The following BBX variants were observed in gnomAD, a reference collection of about 807,000 sequenced individuals.
BBX encodes BBX high mobility group box domain containing.
A neutral mutation model predicts 100.2 loss-of-function variants in BBX; 30 were observed. The ratio of observed to expected loss-of-function variants is 0.30; its 90% CI spans 0.22 to 0.41. The LOEUF is 0.41. BBX is among the 10% of genes least tolerant of loss of function. BBX has a pLI of 1.00. For synonymous variants in BBX, 376 were observed against 388.1 expected (o/e 0.97, Z 0.37); for missense variants, 1,023 against 1,129.8 (o/e 0.91, Z 1.35).
Position 107,807,256 on chromosome 3 carries a change from A to G in BBX, c.*1799A>G, listed in dbSNP as rs2071110212. On this transcript the variant is annotated 3_prime_UTR_variant, in exon 18 of 18. Coordinates refer to ENST00000325805, the MANE Select transcript of BBX (RefSeq NM_001142568.3). ...AAGCATCGGAATGATGTGCTCAAAA[A>G]TGCATATTCCTGGTGGGGATGGAGG... is the stretch of plus-strand genomic sequence containing the variant. 1 of 152,192 alleles carries G rather than the reference A, an allele frequency of 6.6e-6. No individual in the cohort carries two copies. The highest frequency in any genetic ancestry group is 1.5e-5 in the Non-Finnish European group (1 of 68,024). The allele number at this position is 152,192 out of a possible 1,614,324, so 9.4% of individuals were successfully genotyped here. A position where few individuals can be genotyped will look rare whatever the true frequency, so the allele number is the denominator to read the frequency against.
intron 2 of BBX, among the ~76,000 whole-genome samples, chr3:107,557,266 A>G (rs868550818): frequency 8.5e-5 from 13 of 152,168 alleles, no homozygotes; most frequent in Middle Eastern, 6.8e-3. Context: ...TTCTTCAGGG[A>G]TGATGGCAGT....
intron 10 of BBX, among the ~76,000 whole-genome samples, chr3:107,762,658 A>G (rs1356579131): frequency 6.6e-6 from 1 of 152,218 alleles, no homozygotes; most frequent in Non-Finnish European, 1.5e-5. Flanking sequence ...GTTTTGTACT[A>G]AAAAGCAGAG....
Position 107,729,013 on chromosome 3 carries a change from C to A in BBX, c.601+53C>A, listed in dbSNP as rs1254395219. 5 of 1,547,442 alleles carry A rather than the reference C, an allele frequency of 3.2e-6. No homozygotes were observed. In the Admixed American group the frequency reaches 9.7e-5, roughly 30 times the overall value. On this transcript the variant is annotated intron_variant, in intron 6 of 17. Transcript: ENST00000325805. ...TCTTTAAGGACAGGGCAATACATTT[C>A]GGCAGCATTTTAAACAATACTGAGG...
At position 107,626,100 on chromosome 3, in the gene BBX, C is replaced by T. The variant is rs551791714; in HGVS notation, c.-83-19736C>T. Reference sequence around the variant, plus strand: ...TAAAATAGGCTCCAAATTATACAATCGATAATATATTTTCTGTCAACAATT... The same window carrying T: ...TAAAATAGGCTCCAAATTATACAATTGATAATATATTTTCTGTCAACAATT... On this transcript the variant is annotated intron_variant, in intron 2 of 17. Transcript: ENST00000325805. Among the ~76,000 whole-genome samples the T allele has an allele frequency of 1.3e-4, 20 of 152,136 alleles. No homozygotes were observed. In the South Asian group the frequency reaches 2.5e-3, roughly 19 times the overall value.
Position 107,809,190 on chromosome 3 carries a change from T to C in BBX, c.*3733T>C, listed in dbSNP as rs914501473. The C allele has an allele frequency of 6.6e-6, 1 of 152,216 alleles. No homozygotes were observed. Among genetic ancestry groups the C allele is most frequent in the Non-Finnish European group, 1.5e-5 (1 of 68,044 alleles). The allele number at this position is 152,216 out of a possible 1,614,324, so 9.4% of individuals were successfully genotyped here. A position where few individuals can be genotyped will look rare whatever the true frequency, so the allele number is the denominator to read the frequency against. On this transcript the variant is annotated 3_prime_UTR_variant, in exon 18 of 18. Transcript: ENST00000325805. ...GAACAGGAGTAAGCTGAAAACTGAA[T>C]GCCATGTTTTGTTTATAAGGTGGGG...
rs2047464913 is a variant in BBX, at chr3:107,522,962, GT to G, written c.-299del. 1 of 152,404 alleles carries G rather than the reference GT, an allele frequency of 6.6e-6. No individual in the cohort carries two copies. Among genetic ancestry groups the G allele is most frequent in the South Asian group, 2.1e-4 (1 of 4,832 alleles). 9.4% of individuals were successfully genotyped at this position (152,404 alleles called of 1,614,324 possible). A position where few individuals can be genotyped will look rare whatever the true frequency, so the allele number is the denominator to read the frequency against. ...AAATGAGTGTTTTCAGTCTCTCCGG[GT>G]TGCATGTACTGTATGTGGAGCAGTG... is the stretch of plus-strand genomic sequence containing the variant. On this transcript the variant is annotated 5_prime_UTR_variant, in exon 1 of 18. Coordinates refer to ENST00000325805, the MANE Select transcript of BBX (RefSeq NM_001142568.3).
chr3:107,613,760 A>G (rs2055028457), intron 2 of BBX, among the ~76,000 whole-genome samples: 1 of 152,066 alleles, frequency 6.6e-6, no homozygotes, highest in Non-Finnish European at 1.5e-5. Context: ...TTATTCAGAG[A>G]TTGCTTATAG....
chr3:107,691,735 A>G (rs1181335094), intron 3 of BBX, among the ~76,000 whole-genome samples: 1 of 152,248 alleles, frequency 6.6e-6, no homozygotes, highest in Non-Finnish European at 1.5e-5. Flanking sequence ...TATTCAAGGC[A>G]GTATTCTAAG....
intron 3 of BBX, among the ~76,000 whole-genome samples, chr3:107,668,605 T>C (rs1027259991): frequency 2.6e-5 from 4 of 152,200 alleles, no homozygotes; most frequent in African/African-American, 9.6e-5. Flanking sequence ...AGAGAACTAA[T>C]AGAGCTCTGT....
intron 2 of BBX, among the ~76,000 whole-genome samples, chr3:107,587,047 G>A (rs1388000244): frequency 2.6e-5 from 4 of 152,020 alleles, no homozygotes; most frequent in South Asian, 2.1e-4. Flanking sequence ...CACTCACTGC[G>A]CCTGGCCGAT....
chr3:107,784,410 T>G (rs1200173430), intron 13 of BBX, among the ~76,000 whole-genome samples: 1 of 151,850 alleles, frequency 6.6e-6, no homozygotes, highest in African/African-American at 2.4e-5. Flanking sequence ...TGTTAATCCA[T>G]AAAACCAACC....
chr3:107,649,890 T>C (rs954671521), intron 3 of BBX, among the ~76,000 whole-genome samples: 2 of 152,102 alleles, frequency 1.3e-5, no homozygotes, highest in Non-Finnish European at 2.9e-5. Flanking sequence ...AAGGACAGAG[T>C]GATGGTCAAA....
chr3:107,614,164 A>G (rs1298435591), intron 2 of BBX, among the ~76,000 whole-genome samples: 1 of 151,702 alleles, frequency 6.6e-6, no homozygotes, highest in Non-Finnish European at 1.5e-5. Flanking sequence ...TTTGGCCAGG[A>G]TGGTCTTGAT....
chr3:107,776,838 A>T (rs1022106003), intron 12 of BBX, among the ~76,000 whole-genome samples: 3 of 152,168 alleles, frequency 2.0e-5, no homozygotes, highest in African/African-American at 7.2e-5. Flanking sequence ...CAGCTTTCTG[A>T]TAGTATTTAA....
intron 2 of BBX, among the ~76,000 whole-genome samples, chr3:107,617,844 G>A (rs536086902): frequency 1.3e-5 from 2 of 151,658 alleles, no homozygotes; most frequent in African/African-American, 4.8e-5. Flanking sequence ...AATAGGGATC[G>A]TTTTGTTTCT....
intron 2 of BBX, among the ~76,000 whole-genome samples, chr3:107,561,080 A>T (rs2050461046): frequency 6.6e-6 from 1 of 152,222 alleles, no homozygotes; most frequent in Non-Finnish European, 1.5e-5. Flanking sequence ...ATATCTCTAG[A>T]CATTGATAAA....
chr3:107,638,152 A>ATCTTGGTTACT (rs1274975334), intron 2 of BBX, among the ~76,000 whole-genome samples: 121 of 152,050 alleles, frequency 8.0e-4, no homozygotes, highest in Non-Finnish European at 1.1e-3. Flanking sequence ...GCTGGAATCA[A>ATCTTGGTTACT]GCAATCCTTC....
intron 3 of BBX, among the ~76,000 whole-genome samples, chr3:107,692,848 C>G (rs1426903721): frequency 6.7e-6 from 1 of 149,498 alleles, no homozygotes; most frequent in African/African-American, 2.5e-5. Context: ...TCCACATCCT[C>G]TCCAGCACCT....
intron 1 of BBX, 81 bp from the exon 2 acceptor site, chr3:107,526,246 C>A: frequency 2.5e-6 from 1 of 398,408 alleles, no homozygotes; most frequent in South Asian, 1.3e-4. Flanking sequence ...ACCTTCTCTT[C>A]ATAGATGTTA....
Sources: gnomAD v4.1 joint callset for allele counts (sites outside exome capture counted in the v4.1 genomes callset) on GRCh38, gnomAD v4.1.1 for gene constraint, MANE v1.5 for transcripts, NCBI Gene and HGNC (gene_info 2026-07-23, HGNC 2026-07-21) for gene names.